The following DBNL variants were observed in gnomAD, a reference collection of about 807,000 sequenced individuals.
DBNL encodes drebrin like.
In DBNL, 35 loss-of-function variants were observed where a neutral mutation model predicts 62.2. The ratio of observed to expected loss-of-function variants is 0.56; its 90% CI spans 0.43 to 0.75. DBNL has a LOEUF of 0.75. Among genes scored for constraint, DBNL ranks in the 30% least tolerant of loss-of-function variants. The pLI, the probability that DBNL is intolerant of heterozygous loss-of-function variation, is 0.00. For missense variants in DBNL, 495 were observed against 578.4 expected, an observed-to-expected ratio of 0.86 and a Z score of 1.48; for synonymous variants, 197 against 218.0, an observed-to-expected ratio of 0.90 and a Z score of 0.85.
chr7:44,058,234 C>G lies in DBNL; in HGVS notation c.658C>G (p.Arg220Gly). The G allele has an allele frequency of 6.3e-7, 1 of 1,576,890 alleles. No homozygotes were observed. The highest frequency in any genetic ancestry group is 8.6e-7 in the Non-Finnish European group (1 of 1,162,980). Residue 220 changes from arginine to glycine, a missense_variant, in exon 7 of 13, where the codon CGG (arginine) becomes GGG (glycine). Coordinates refer to ENST00000448521, the MANE Select transcript of DBNL (RefSeq NM_001014436.3). ...RERELREAAR[R>G]EQRYQEQGGE... ...GCGTGAGCTGCGTGAGGCTGCACGC[C>G]GGGAGCAGCGCTATCAGGAGCAGGG...
intron 2 of DBNL, 185 bp from the exon 3 acceptor site, chr7:44,051,645 C>T (rs1379238996): frequency 7.1e-6 from 4 of 565,378 alleles, no homozygotes; most frequent in Non-Finnish European, 1.3e-5. Context: ...ACCCAGCTCT[C>T]ATCAATCAGT....
intron 1 of DBNL, among the ~76,000 whole-genome samples, chr7:44,047,403 T>C (rs1681697596): frequency 6.6e-6 from 1 of 152,188 alleles, no homozygotes; most frequent in African/African-American, 2.4e-5. Flanking sequence ...GGAGGGCAGA[T>C]AGAGTGGGGA....
In DBNL at chr7:44,060,250, T is replaced by G; in HGVS notation, c.1153+97T>G. The G allele has an allele frequency of 1.5e-4, 175 of 1,142,514 alleles. No homozygotes were observed. The highest frequency in any genetic ancestry group is 1.9e-4 in the Non-Finnish European group (154 of 790,280). 70.8% of individuals were successfully genotyped at this position (1,142,514 alleles called of 1,614,324 possible). Reference sequence around the variant, plus strand: ...TATGGGAAGATGGCACCAGGGGGTATCAGGAAGAGAAGACAGGAGGGTGGG... The same window carrying G: ...TATGGGAAGATGGCACCAGGGGGTAGCAGGAAGAGAAGACAGGAGGGTGGG... On this transcript the variant is annotated intron_variant, in intron 12 of 12. Transcript: ENST00000448521. The surrounding 1 kb of genome is among the most constrained non-coding windows in gnomAD (Gnocchi z 6.3).
At chr7:44,053,890 A>G (rs974940427) in intron 4 of DBNL, among the ~76,000 whole-genome samples, 2 of 152,084 alleles carry the variant, frequency 1.3e-5, no homozygotes, top group Admixed American at 6.6e-5. Flanking sequence ...GTTAGCCAGG[A>G]TGGTCTCGAT....
rs375305359 is a variant in DBNL at position 44,064,888 on chromosome 7, C to T, written c.*3972C>T. Reference sequence around the variant, plus strand: ...GTTCCCGTGGGCTGCAATGAGCACTCGCTTGCCGGCCTTGATCTGGGGAAC... The same window carrying T: ...GTTCCCGTGGGCTGCAATGAGCACTTGCTTGCCGGCCTTGATCTGGGGAAC... On this transcript the variant is annotated 3_prime_UTR_variant, in exon 13 of 13. Transcript: ENST00000448521. 18 of 1,609,216 alleles carry T rather than the reference C, an allele frequency of 1.1e-5. No homozygotes were observed. Among genetic ancestry groups the T allele is most frequent in the African/African-American group, 6.7e-5 (5 of 74,808 alleles).
intron 1 of DBNL, among the ~76,000 whole-genome samples, chr7:44,049,050 C>T (rs1327532779): frequency 1.3e-5 from 2 of 151,884 alleles, no homozygotes; most frequent in Admixed American, 6.6e-5. Flanking sequence ...AGACAGGGTC[C>T]CACCATGTTG....
rs138887855 is a variant in DBNL at position 44,057,333 on chromosome 7, A to G, written c.474+430A>G. Among the ~76,000 whole-genome samples the G allele has an allele frequency of 1.2e-4, 19 of 152,330 alleles. No individual in the cohort carries two copies. In the East Asian group the frequency reaches 2.5e-3, roughly 20 times the overall value. ...GAGATACCTGTGGGCCTGTGGCCCC[A>G]GTGCTGTGTGGAGCTGATGGCTGGG... On this transcript the variant is annotated intron_variant, in intron 5 of 12. Coordinates refer to ENST00000448521, the MANE Select transcript of DBNL (RefSeq NM_001014436.3).
rs2096153340 is a variant in DBNL at position 44,063,615 on chromosome 7, T to C, written c.*2699T>C. 1 of 156,746 alleles carries C rather than the reference T, an allele frequency of 6.4e-6. No homozygotes were observed. Among genetic ancestry groups the C allele is most frequent in the African/African-American group, 2.4e-5 (1 of 41,442 alleles). The allele number at this position is 156,746 out of a possible 1,614,324, so 9.7% of individuals were successfully genotyped here. A position where few individuals can be genotyped will look rare whatever the true frequency, so the allele number is the denominator to read the frequency against. On this transcript the variant is annotated 3_prime_UTR_variant, in exon 13 of 13. Coordinates refer to ENST00000448521, the MANE Select transcript of DBNL (RefSeq NM_001014436.3). The stretch of plus-strand genomic sequence containing the variant: ...TCTAAAGTGCTCTAAATTCTAGACA[T>C]CCTGAACAGAGGAGCAAGTGCGGAA...
Position 44,060,040 on chromosome 7 carries a change from C to T in DBNL, c.1048-8C>T, listed in dbSNP as rs747503691. The stretch of plus-strand genomic sequence containing the variant: ...GTCTGGGGTAACACCTTTGTCATCC[C>T]TGGGCAGGTGCAGCAGCAAGGTGCT... On this transcript the variant is annotated splice_region_variant and splice_polypyrimidine_tract_variant and intron_variant, in intron 11 of 12. Transcript: ENST00000448521. The surrounding 1 kb of genome is among the most constrained non-coding windows in gnomAD (Gnocchi z 6.3). 1.9e-6 allele frequency: 3 copies of T among 1,612,280 alleles called. No homozygotes were observed. In the South Asian group the frequency reaches 3.3e-5, roughly 18 times the overall value.
rs1562660876 is a variant in DBNL at position 44,064,760 on chromosome 7, C to G, written c.*3844C>G. On this transcript the variant is annotated 3_prime_UTR_variant, in exon 13 of 13. Coordinates refer to ENST00000448521, the MANE Select transcript of DBNL (RefSeq NM_001014436.3). Reference sequence around the variant, plus strand: ...GAAAGCCTGGTCCATGGGCGAGAGACTTTGCTGAGATGAGAAGCCAGCTGG... The same window carrying G: ...GAAAGCCTGGTCCATGGGCGAGAGAGTTTGCTGAGATGAGAAGCCAGCTGG... The G allele has an allele frequency of 7.3e-7, 1 of 1,361,420 alleles. No homozygotes were observed. The highest frequency in any genetic ancestry group is 1.4e-5 in the African/African-American group (1 of 69,882). 84.3% of individuals were successfully genotyped at this position (1,361,420 alleles called of 1,614,324 possible).
intron 1 of DBNL, among the ~76,000 whole-genome samples, chr7:44,048,458 G>A (rs906546773): frequency 2.6e-5 from 4 of 152,208 alleles, no homozygotes; most frequent in Non-Finnish European, 5.9e-5. Context: ...TTTCTCTCCT[G>A]TATTCTGTCT....
chr7:44,057,650 C>A, intron 5 of DBNL, 132 bp from the exon 6 acceptor site: 1 of 890,682 alleles, frequency 1.1e-6, no homozygotes, highest in Non-Finnish European at 1.7e-6. Context: ...CAGTGCTCTG[C>A]TGCCTCTGCT....
In DBNL at chr7:44,065,052, T is replaced by C; in HGVS notation, c.*4136T>C. 1 of 1,609,484 alleles carries C rather than the reference T, an allele frequency of 6.2e-7. No individual in the cohort carries two copies. The highest frequency in any genetic ancestry group is 1.1e-5 in the South Asian group (1 of 90,976). ...CACGCTGCTTTCCCTCCCAAGCCAG[T>C]GGGCCCCCACCCGACTCCCCACTCT... On this transcript the variant is annotated 3_prime_UTR_variant, in exon 13 of 13. Transcript: ENST00000448521.
chr7:44,052,929 CAGCTTCCTGAAGGTA>C lies in DBNL; in HGVS notation c.318_327+5del. On this transcript the variant is annotated splice_donor_variant and splice_donor_region_variant and coding_sequence_variant and intron_variant, in exon 4 of 13. Transcript: ENST00000448521. LOFTEE classifies it high-confidence loss of function. Reference sequence around the variant, plus strand: ...GTGCCAGCCACGTCAGCACCATGGCCAGCTTCCTGAAGGTAAGGCCAGGTGAGGCCCGCTTCACTG... The same window carrying C: ...GTGCCAGCCACGTCAGCACCATGGCCAGGCCAGGTGAGGCCCGCTTCACTG... The C allele has an allele frequency of 6.2e-7, 1 of 1,613,410 alleles. No individual in the cohort carries two copies. Among genetic ancestry groups the C allele is most frequent in the Non-Finnish European group, 8.5e-7 (1 of 1,179,952 alleles).
chr7:44,046,754 G>A (rs141608763), intron 1 of DBNL, among the ~76,000 whole-genome samples: 2,068 of 152,292 alleles, frequency 0.014, 50 homozygotes, highest in African/African-American at 0.047. Flanking sequence ...TGCACACTGC[G>A]GAAAAATATC....
chr7:44,064,091 G>C lies in DBNL; in HGVS notation c.*3175G>C, dbSNP rs961888505. 6 of 152,822 alleles carry C rather than the reference G, an allele frequency of 3.9e-5. No homozygotes were observed. The highest frequency in any genetic ancestry group is 1.4e-4 in the African/African-American group (6 of 41,472). The allele number at this position is 152,822 out of a possible 1,614,324, so 9.5% of individuals were successfully genotyped here. A position where few individuals can be genotyped will look rare whatever the true frequency, so the allele number is the denominator to read the frequency against. ...TTCTAGCCTTTCCAGGACTCAACAA[G>C]CTTTAAGGTCATTCAGATGCTAATT... On this transcript the variant is annotated 3_prime_UTR_variant, in exon 13 of 13. Coordinates refer to ENST00000448521, the MANE Select transcript of DBNL (RefSeq NM_001014436.3).
At chr7:44,058,682 C>A in intron 8 of DBNL, 1 of 835,896 alleles carries the variant, frequency 1.2e-6, no homozygotes, top group East Asian at 2.7e-5. Context: ...ACACCTGGTC[C>A]TGGGGGAGGC....
At chr7:44,053,758 G>A (rs2096130608) in intron 4 of DBNL, among the ~76,000 whole-genome samples, 2 of 150,862 alleles carry the variant, frequency 1.3e-5, no homozygotes, top group South Asian at 4.2e-4. Flanking sequence ...CTCACTGCAA[G>A]CTCCGCCTCC....
rs1270566215 is a variant in DBNL at position 44,044,727 on chromosome 7, C to T, written c.-11C>T. 6 of 1,492,934 alleles carry T rather than the reference C, an allele frequency of 4.0e-6. No individual in the cohort carries two copies. The highest frequency in any genetic ancestry group is 2.2e-5 in the Admixed American group (1 of 45,146). 92.5% of individuals were successfully genotyped at this position (1,492,934 alleles called of 1,614,324 possible). ...AGCTACAGCAGCGGCGCGGAGACTG[C>T]GGGGCGGGCCATGGCGGCGAACCTG... On this transcript the variant is annotated 5_prime_UTR_variant, in exon 1 of 13. Transcript: ENST00000448521.
Sources: gnomAD v4.1 joint callset for allele counts (sites outside exome capture counted in the v4.1 genomes callset) on GRCh38, gnomAD v4.1.1 for gene constraint, Gnocchi (gnomAD v3.1) non-coding constraint, MANE v1.5 for transcripts, NCBI Gene and HGNC (gene_info 2026-07-23, HGNC 2026-07-21) for gene names.